The following GABARAPL1 variants were observed in gnomAD, a reference collection of about 807,000 sequenced individuals.
GABARAPL1 encodes gamma-aminobutyric acid receptor-associated protein-like 1.
In GABARAPL1, 4 loss-of-function variants were observed where a neutral mutation model predicts 14.5. The observed-to-expected ratio is 0.28, with a 90% CI of 0.14 to 0.63. GABARAPL1 has a LOEUF of 0.63. Among genes scored for constraint, GABARAPL1 ranks in the 30% least tolerant of loss-of-function variants. GABARAPL1 has a pLI of 0.84. For synonymous variants in GABARAPL1, 47 were observed against 50.6 expected (o/e 0.93, Z 0.30); for missense variants, 82 against 139.2 (o/e 0.59, Z 2.07).
intron 1 of GABARAPL1, among the ~76,000 whole-genome samples, chr12:10,216,087 C>A (rs1180399253): frequency 6.6e-6 from 1 of 152,056 alleles, no homozygotes; most frequent in African/African-American, 2.4e-5. Context: ...GTTTTCTTTT[C>A]AAGCTGGGCA....
Position 10,218,056 on chromosome 12 carries a change from C to G in GABARAPL1, c.91-7C>G, listed in dbSNP as rs781138600. The G allele has an allele frequency of 1.9e-5, 30 of 1,569,264 alleles. 1 individual carries two copies. The South Asian group carries it at 3.0e-4, about 16-fold the overall frequency. On this transcript the variant is annotated splice_polypyrimidine_tract_variant and splice_region_variant and intron_variant, in intron 1 of 3. Transcript: ENST00000266458. ...TTTTCATTCCTACTCTCCTCCTCTTCTTCCAGGTGATTGTAGAGAAGGCTC... is the reference window on the plus strand; with the variant it reads ...TTTTCATTCCTACTCTCCTCCTCTTGTTCCAGGTGATTGTAGAGAAGGCTC...
At chr12:10,216,025 C>T (rs1949086334) in intron 1 of GABARAPL1, among the ~76,000 whole-genome samples, 1 of 151,758 alleles carries the variant, frequency 6.6e-6, no homozygotes, top group Non-Finnish European at 1.5e-5. Flanking sequence ...TTATTTATTA[C>T]TCACATTCAC....
In GABARAPL1 at chr12:10,222,193, G is replaced by A; in HGVS notation, c.*341G>A. On this transcript the variant is annotated 3_prime_UTR_variant, in exon 4 of 4. Transcript: ENST00000266458. ...TGGACAAGTTGGGGCCAGAGATGAT[G>A]GCAGTCCAGCAGCAACTCCCTGTGC... The A allele has an allele frequency of 3.8e-6, 1 of 266,506 alleles. No homozygotes were observed. Among genetic ancestry groups the A allele is most frequent in the Non-Finnish European group, 7.4e-6 (1 of 134,940 alleles). 16.5% of individuals were successfully genotyped at this position (266,506 alleles called of 1,614,324 possible).
At chr12:10,220,222 A>T (rs1213920555) in intron 2 of GABARAPL1, among the ~76,000 whole-genome samples, 4 of 152,270 alleles carry the variant, frequency 2.6e-5, no homozygotes, top group Middle Eastern at 3.4e-3. Context: ...GGAGGAATAA[A>T]TTCCACTATG....
intron 1 of GABARAPL1, chr12:10,213,798 G>T: frequency 2.2e-6 from 1 of 455,486 alleles, no homozygotes; most frequent in South Asian, 1.5e-5. Flanking sequence ...ACAAGGTCAC[G>T]TTCTCTGCCC....
chr12:10,216,048 C>T (rs1390927510), intron 1 of GABARAPL1, among the ~76,000 whole-genome samples: 1 of 151,970 alleles, frequency 6.6e-6, no homozygotes, highest in African/African-American at 2.4e-5. Context: ...CATATCAATA[C>T]CATGACTTTG....
intron 1 of GABARAPL1, among the ~76,000 whole-genome samples, chr12:10,217,291 T>C (rs1014845702): frequency 7.9e-5 from 12 of 152,238 alleles, no homozygotes; most frequent in African/African-American, 2.4e-4. Context: ...TAATAATGTT[T>C]GAACAATCTT....
chr12:10,220,582 C>T, intron 3 of GABARAPL1, 24 bp downstream of exon 3: 1 of 1,613,984 alleles, frequency 6.2e-7, no homozygotes, highest in Non-Finnish European at 8.5e-7. Context: ...TTGCACAATA[C>T]TGGATGCCGT....
chr12:10,220,689 C>A, intron 3 of GABARAPL1, 131 bp downstream of exon 3: 1 of 1,549,760 alleles, frequency 6.5e-7, no homozygotes, highest in Non-Finnish European at 8.7e-7. Context: ...GATCCTCTTA[C>A]ATATGGCAGT....
In GABARAPL1 at chr12:10,213,135, G is replaced by A. The variant is rs1408004309; in HGVS notation, c.6G>A (p.Lys2=). The A allele has an allele frequency of 8.2e-6, 13 of 1,582,588 alleles. No homozygotes were observed. Among genetic ancestry groups the A allele is most frequent in the African/African-American group, 2.7e-5 (2 of 74,710 alleles). Residue 2 remains lysine, a synonymous_variant, in exon 1 of 4, where the codon AAG becomes AAA. Coordinates refer to ENST00000266458, the MANE Select transcript of GABARAPL1 (RefSeq NM_031412.4). M[K]FQYKEDHPFE... is the part of the protein sequence containing the mutation. ...CGGAAGCCCTGCGGTGCATCATGAAGTTCCAGTACAAGGAGGACCATCCCT... is the reference window on the plus strand; with the variant it reads ...CGGAAGCCCTGCGGTGCATCATGAAATTCCAGTACAAGGAGGACCATCCCT...
At position 10,221,902 on chromosome 12, in the gene GABARAPL1, G is replaced by GGGGT; in HGVS notation, c.*52_*55dup. On this transcript the variant is annotated 3_prime_UTR_variant, in exon 4 of 4. Coordinates refer to ENST00000266458, the MANE Select transcript of GABARAPL1 (RefSeq NM_031412.4). ...AGCACCTGGACTTGGGGGTAGGGGA[G>GGGGT]GGGTGTGTGTGCGCGACATGGGGAA... 3 of 1,571,428 alleles carry GGGGT rather than the reference G, an allele frequency of 1.9e-6. No homozygotes were observed. Among genetic ancestry groups the GGGGT allele is most frequent in the Non-Finnish European group, 2.6e-6 (3 of 1,142,210 alleles).
chr12:10,221,470 A>G (rs1385018483), intron 3 of GABARAPL1: 14 of 925,574 alleles, frequency 1.5e-5, no homozygotes, highest in Non-Finnish European at 1.7e-5. Context: ...CCCTGTTAGT[A>G]TATGTCCCAT....
At chr12:10,218,186 T>C (rs1360163716) in intron 2 of GABARAPL1, 45 bp downstream of exon 2, 2 of 1,085,348 alleles carry the variant, frequency 1.8e-6, no homozygotes, top group Non-Finnish European at 2.9e-6. Flanking sequence ...GTGAAAAAAC[T>C]CTCTAGATCC....
intron 2 of GABARAPL1, among the ~76,000 whole-genome samples, chr12:10,218,948 G>A (rs1012150177): frequency 2.6e-5 from 4 of 151,846 alleles, no homozygotes; most frequent in African/African-American, 7.2e-5. Context: ...CTGAACTCAG[G>A]TGATCCACCC....
rs961732819 is a variant in GABARAPL1 at position 10,218,559 on chromosome 12, C to T, written c.169+418C>T. Among the ~76,000 whole-genome samples, 7 of 151,932 alleles carry T rather than the reference C, an allele frequency of 4.6e-5. No homozygotes were observed. The East Asian group carries it at 9.7e-4, about 21-fold the overall frequency. The stretch of plus-strand genomic sequence containing the variant: ...CTGCACTCCACCCTGGGCAACAGAG[C>T]GAGACTCGGTCTCAAAAACAAGAAG... On this transcript the variant is annotated intron_variant, in intron 2 of 3. Coordinates refer to ENST00000266458, the MANE Select transcript of GABARAPL1 (RefSeq NM_031412.4).
At position 10,222,890 on chromosome 12, in the gene GABARAPL1, G is replaced by C. The variant is rs1949127086; in HGVS notation, c.*1038G>C. 6.6e-6 allele frequency: 1 copy of C among 152,608 alleles called. No individual in the cohort carries two copies. Among genetic ancestry groups the C allele is most frequent in the Non-Finnish European group, 1.5e-5 (1 of 68,036 alleles). 9.5% of individuals were successfully genotyped at this position (152,608 alleles called of 1,614,324 possible). On this transcript the variant is annotated 3_prime_UTR_variant, in exon 4 of 4. Coordinates refer to ENST00000266458, the MANE Select transcript of GABARAPL1 (RefSeq NM_031412.4). ...GCTGCTAGTTAGAAAGGTTTGGAGG[G>C]ATGACTTTTAGTAAATCATGGGGAT...
chr12:10,215,591 A>AC (rs200410950), intron 1 of GABARAPL1, among the ~76,000 whole-genome samples: 1,601 of 151,946 alleles, frequency 0.011, 35 homozygotes, highest in African/African-American at 0.036. Flanking sequence ...TTTAATGATT[A>AC]CCCCTCCCCC....
At chr12:10,215,287 CCCA>C (rs1949081354) in intron 1 of GABARAPL1, among the ~76,000 whole-genome samples, 1 of 152,012 alleles carries the variant, frequency 6.6e-6, no homozygotes, top group Non-Finnish European at 1.5e-5. Context: ...AGAACTTAGC[CCCA>C]CCAATATTTC....
chr12:10,219,392 A>G (rs751906649), intron 2 of GABARAPL1, among the ~76,000 whole-genome samples: 6 of 152,226 alleles, frequency 3.9e-5, no homozygotes, highest in Non-Finnish European at 8.8e-5. Flanking sequence ...TGTTCCAAAA[A>G]GAAAACCAGT....
Sources: allele counts gnomAD v4.1 joint callset (sites outside exome capture counted in the v4.1 genomes callset), GRCh38; gene constraint gnomAD v4.1.1; transcripts MANE v1.5; gene names NCBI Gene and HGNC (gene_info 2026-07-23, HGNC 2026-07-21).